TUT1: variants seen among roughly 807,000 people sequenced by gnomAD.
The protein encoded by TUT1 is speckle targeted PIP5K1A-regulated poly(A) polymerase.
In TUT1, 26 loss-of-function variants were observed where a neutral mutation model predicts 48.8. The observed-to-expected ratio is 0.53, with a 90% CI of 0.39 to 0.74. TUT1 has a LOEUF of 0.74. Ranked by LOEUF, TUT1 falls within the 30% of genes least tolerant of loss-of-function variation. TUT1 has a pLI of 0.00. For missense variants in TUT1, 1,065 were observed against 1,114.8 expected (o/e 0.96, Z 0.64); for synonymous variants, 470 against 460.8 (o/e 1.02, Z -0.26).
chr11:62,576,768 T>C lies in TUT1; in HGVS notation c.1382-19A>G. On this transcript the variant is annotated intron_variant, in intron 7 of 8. Coordinates refer to ENST00000476907, the MANE Select transcript of TUT1 (RefSeq NM_022830.3). ...CCCTCTCCTGTGAAAGTAAATAAGGTGAGAGTCAGTCTGGAAGCAAGGAGA... is the reference window on the plus strand; with the variant it reads ...CCCTCTCCTGTGAAAGTAAATAAGGCGAGAGTCAGTCTGGAAGCAAGGAGA... 6.2e-7 allele frequency: 1 copy of C among 1,613,342 alleles called. No homozygotes were observed. Among genetic ancestry groups the C allele is most frequent in the Non-Finnish European group, 8.5e-7 (1 of 1,179,456 alleles).
intron 2 of TUT1, among the ~76,000 whole-genome samples, chr11:62,586,656 CT>C (rs1412796522): frequency 6.6e-6 from 1 of 152,038 alleles, no homozygotes; most frequent in African/African-American, 2.4e-5. Flanking sequence ...TAGTTCACAC[CT>C]GTAATCCCAG....
rs1188688096 is a variant in TUT1, at chr11:62,576,220, G to A, written c.1499C>T (p.Ser500Phe). The A allele has an allele frequency of 1.9e-6, 3 of 1,597,702 alleles. No homozygotes were observed. The highest frequency in any genetic ancestry group is 2.7e-5 in the African/African-American group (2 of 74,140). ...ACGAAGATCCCAACAAGATACACAG[G>A]AGAAGAACTGGGCTAGCAGGGAACC... ...PLSSLLAQFF[S>F]CVSCWDLRGS... Residue 500 changes from serine (S) to phenylalanine (F), a missense_variant, in exon 9 of 9, where the codon TCC becomes TTC. Coordinates refer to ENST00000476907, the MANE Select transcript of TUT1 (RefSeq NM_022830.3).
Position 62,575,338 on chromosome 11 carries a change from C to A in TUT1, c.2381G>T (p.Gly794Val). The A allele has an allele frequency of 6.2e-7, 1 of 1,614,114 alleles. No individual in the cohort carries two copies. Among genetic ancestry groups the A allele is most frequent in the Non-Finnish European group, 8.5e-7 (1 of 1,180,020 alleles). ...CCCTGCTCTTGTGCCAGCGCCACCT[C>A]CAGCTCCCTCCTTGGTTTGCTGCTG... ...RLQQQTKEGA[G>V]GGAGTRAGWL... is the part of the protein sequence containing the mutation. Residue 794 changes from glycine to valine, a missense_variant, in exon 9 of 9, where the codon GGA becomes GTA. Gly to Val is a moderately radical substitution (Grantham distance 109). Transcript: ENST00000476907.
chr11:62,585,881 G>C (rs553562145), intron 2 of TUT1, among the ~76,000 whole-genome samples: 1 of 152,264 alleles, frequency 6.6e-6, no homozygotes, highest in Non-Finnish European at 1.5e-5. Flanking sequence ...GGCCGAGGCA[G>C]GCGGATCACC....
intron 4 of TUT1, 139 bp from the exon 5 acceptor site, chr11:62,579,169 C>G (rs577615931): frequency 9.0e-6 from 5 of 554,682 alleles, no homozygotes; most frequent in Non-Finnish European, 1.4e-5. Context: ...TCACAGGAAC[C>G]CTTTTTTTTT....
intron 1 of TUT1, among the ~76,000 whole-genome samples, chr11:62,589,914 C>A (rs1941982264): frequency 6.6e-6 from 1 of 152,224 alleles, no homozygotes; most frequent in African/African-American, 2.4e-5. Flanking sequence ...TGTGCATCAA[C>A]TTCCTCAGAT....
At chr11:62,577,424 C>T (rs1044730884) in intron 5 of TUT1, 133 bp from the exon 6 acceptor site, 7 of 708,756 alleles carry the variant, frequency 9.9e-6, no homozygotes, top group Non-Finnish European at 1.7e-5. Context: ...ATGTTGCTCA[C>T]TGATCTTGTG....
rs113604879 is a variant in TUT1, at chr11:62,584,852, C to T, written c.274-3151G>A. On this transcript the variant is annotated intron_variant, in intron 2 of 8. Transcript: ENST00000476907. ...ACTTTTTTTTTTTGAGAAGGAGTCT[C>T]GCTCTGTTGCCCAGGCTGGAGTGCA... 5.5e-4 allele frequency among the ~76,000 whole-genome samples: 84 copies of T among 151,486 alleles called. 1 individual carries two copies. Among genetic ancestry groups the T allele is most frequent in the African/African-American group, 1.9e-3 (80 of 41,282 alleles).
chr11:62,579,321 A>C (rs1941788674), intron 4 of TUT1, among the ~76,000 whole-genome samples: 1 of 152,244 alleles, frequency 6.6e-6, no homozygotes. Flanking sequence ...TGACCAAATT[A>C]GAGTATGGAC....
chr11:62,586,366 C>A (rs1271208373), intron 2 of TUT1, among the ~76,000 whole-genome samples: 1 of 152,226 alleles, frequency 6.6e-6, no homozygotes, highest in Admixed American at 6.5e-5. Flanking sequence ...GTGTCTTAAA[C>A]TCCCAAATCT....
In TUT1 at chr11:62,575,949, C is replaced by G. The variant is rs778359572; in HGVS notation, c.1770G>C (p.Gly590=). 15 of 1,614,012 alleles carry G rather than the reference C, an allele frequency of 9.3e-6. No homozygotes were observed. The highest frequency in any genetic ancestry group is 6.7e-5 in the Admixed American group (4 of 60,002). ...QRRSSRGRDW[G]LLPLLQPSSP... is the part of the protein sequence containing the mutation. ...AGCTGGGCTGCAGAAGAGGGAGCAG[C>G]CCCCAGTCCCGACCCCGGGAGGAAC... The change falls in exon 9 of 9, where the codon GGG becomes GGC. Residue 590 remains glycine, a synonymous_variant. Transcript: ENST00000476907.
intron 1 of TUT1, among the ~76,000 whole-genome samples, chr11:62,590,245 C>T (rs910460533): frequency 3.9e-5 from 6 of 152,228 alleles, no homozygotes; most frequent in African/African-American, 1.4e-4. Flanking sequence ...GTAATCCCAG[C>T]ACTTTGGGAG....
At position 62,575,896 on chromosome 11, in the gene TUT1, G is replaced by A. The variant is rs371469091; in HGVS notation, c.1823C>T (p.Pro608Leu). Residue 608 changes from proline to leucine, a missense_variant, in exon 9 of 9, where the codon CCG (proline) becomes CTG (leucine). Coordinates refer to ENST00000476907, the MANE Select transcript of TUT1 (RefSeq NM_022830.3). ...GAAGGGTGCAAGGGGTAAAGGGATC[G>A]GCGTAGCAGAGAGCAGGGAGCTGGG... ...SSPSSLLSATPIPLPLAPFTQ... is the reference protein window; with the variant it reads ...SSPSSLLSATLIPLPLAPFTQ... The A allele has an allele frequency of 8.1e-6, 13 of 1,614,024 alleles. No individual in the cohort carries two copies. The East Asian group carries it at 1.1e-4, about 14-fold the overall frequency.
intron 4 of TUT1, 107 bp downstream of exon 4, chr11:62,580,999 G>A (rs1941815304): frequency 1.3e-6 from 1 of 797,636 alleles, no homozygotes; most frequent in Non-Finnish European, 2.1e-6. Context: ...CCTATTATCT[G>A]CATTGTAGAT....
rs1459976930 is a variant in TUT1 at position 62,575,963 on chromosome 11, C to T, written c.1756G>A (p.Gly586Ser). Residue 586 changes from glycine (G) to serine (S), a missense_variant, in exon 9 of 9, where the codon GGT (glycine) becomes AGT (serine). Transcript: ENST00000476907. ...SLQYQRRSSR[G>S]RDWGLLPLLQ... ...AGAGGGAGCAGCCCCCAGTCCCGAC[C>T]CCGGGAGGAACGGCGCTGGTACTGG... is the stretch of plus-strand genomic sequence containing the variant. The T allele has an allele frequency of 6.2e-7, 1 of 1,614,098 alleles. No homozygotes were observed. The highest frequency in any genetic ancestry group is 8.5e-7 in the Non-Finnish European group (1 of 1,180,028).
chr11:62,589,226 A>G lies in TUT1; in HGVS notation c.83-5T>C, dbSNP rs1331992319. On this transcript the variant is annotated splice_polypyrimidine_tract_variant and splice_region_variant and intron_variant, in intron 1 of 8. Transcript: ENST00000476907. ...AGTGGGCATCAAGGCTGGGTCCTGC[A>G]AAGACAAGTGTGAGACAAAAACATG... 6.2e-7 allele frequency: 1 copy of G among 1,613,746 alleles called. No homozygotes were observed. Among genetic ancestry groups the G allele is most frequent in the Non-Finnish European group, 8.5e-7 (1 of 1,179,740 alleles).
intron 4 of TUT1, among the ~76,000 whole-genome samples, chr11:62,580,228 G>A (rs1053163369): frequency 2.0e-5 from 3 of 152,138 alleles, no homozygotes; most frequent in Non-Finnish European, 2.9e-5. Flanking sequence ...GGAGGCCAAG[G>A]TGGGTGGATC....
In TUT1 at chr11:62,586,027, G is replaced by A. The variant is rs530534070; in HGVS notation, c.273+3004C>T. On this transcript the variant is annotated intron_variant, in intron 2 of 8. Transcript: ENST00000476907. Reference sequence around the variant, plus strand: ...TGAGGCAGGAGAATCACTTGAACCCGGGAGCCAGAGTTTGCGGTGAGCTGA... The same window carrying A: ...TGAGGCAGGAGAATCACTTGAACCCAGGAGCCAGAGTTTGCGGTGAGCTGA... Among the ~76,000 whole-genome samples the A allele has an allele frequency of 2.8e-4, 43 of 152,176 alleles. 1 individual carries two copies. The highest frequency in any genetic ancestry group is 1.9e-4 in the East Asian group (1 of 5,194).
intron 4 of TUT1, 131 bp from the exon 5 acceptor site, chr11:62,579,161 A>C: frequency 1.7e-6 from 1 of 575,666 alleles, no homozygotes. Context: ...TTTAATCTTC[A>C]CAGGAACCCT....
Sources: allele counts gnomAD v4.1 joint callset (sites outside exome capture counted in the v4.1 genomes callset), GRCh38; gene constraint gnomAD v4.1.1; transcripts MANE v1.5; gene names NCBI Gene and HGNC (gene_info 2026-07-23, HGNC 2026-07-21).